ANKFY1: variants seen among roughly 807,000 people sequenced by gnomAD.
The protein encoded by ANKFY1 is ankyrin repeat and FYVE domain-containing protein 1.
Under a neutral mutation model 128.3 loss-of-function variants are expected in ANKFY1, and 47 were observed. The ratio of observed to expected loss-of-function variants is 0.37; its 90% CI spans 0.29 to 0.47. ANKFY1 has a LOEUF of 0.47. Among genes scored for constraint, ANKFY1 ranks in the 20% least tolerant of loss-of-function variants. The pLI is 1.00. For missense variants in ANKFY1, 1,222 were observed against 1,510.6 expected, an observed-to-expected ratio of 0.81 and a Z score of 3.17; for synonymous variants, 553 against 601.6, an observed-to-expected ratio of 0.92 and a Z score of 1.18.
At chr17:4,187,147 G>A (rs947304992) in intron 11 of ANKFY1, 28 of 596,940 alleles carry the variant, frequency 4.7e-5, no homozygotes, top group Non-Finnish European at 6.4e-5. Flanking sequence ...ATCCCCCACC[G>A]CCCTCCCAAG....
chr17:4,231,691 C>A (rs887068340), intron 3 of ANKFY1, among the ~76,000 whole-genome samples: 9 of 151,488 alleles, frequency 5.9e-5, no homozygotes, highest in Non-Finnish European at 1.3e-4. Flanking sequence ...CCTGTAATCC[C>A]AACAGGCCTT....
intron 3 of ANKFY1, among the ~76,000 whole-genome samples, chr17:4,228,264 TC>T (rs1365537303): frequency 6.6e-6 from 1 of 152,154 alleles, no homozygotes; most frequent in Non-Finnish European, 1.5e-5. Context: ...GACTCTATGC[TC>T]TATGATTGCA....
intron 7 of ANKFY1, among the ~76,000 whole-genome samples, chr17:4,199,689 T>G (rs116973362): frequency 5.3e-5 from 8 of 152,348 alleles, no homozygotes; most frequent in Non-Finnish European, 1.2e-4. Flanking sequence ...AATACATGGT[T>G]AAACTCGGAA....
In ANKFY1 at chr17:4,177,239, G is replaced by A; in HGVS notation, c.2662C>T (p.Leu888=). 6.2e-7 allele frequency: 1 copy of A among 1,606,290 alleles called. No homozygotes were observed. Among genetic ancestry groups the A allele is most frequent in the Non-Finnish European group, 8.5e-7 (1 of 1,176,256 alleles). Reference sequence around the variant, plus strand: ...TTAGCGTGGACACTGATCAGGAACAGCACACTTTCAATATCAGAGTTCTGA... The same window carrying A: ...TTAGCGTGGACACTGATCAGGAACAACACACTTTCAATATCAGAGTTCTGA... ...AVQNSDIESV[L]FLISVHANVN... Residue 888 remains leucine (L), a synonymous_variant, in exon 19 of 25, where the codon CTG becomes TTG. Transcript: ENST00000341657.
At chr17:4,238,630 C>T (rs1269698485) in intron 2 of ANKFY1, among the ~76,000 whole-genome samples, 1 of 152,116 alleles carries the variant, frequency 6.6e-6, no homozygotes, top group South Asian at 2.1e-4. Flanking sequence ...CGCGCCACCA[C>T]GCTCCGCCTA....
intron 22 of ANKFY1, among the ~76,000 whole-genome samples, chr17:4,172,151 T>C (rs2059332827): frequency 6.6e-6 from 1 of 152,158 alleles, no homozygotes; most frequent in African/African-American, 2.4e-5. Context: ...TCTGGGTAGT[T>C]TGCCACTTTC....
chr17:4,170,731 G>A lies in ANKFY1; in HGVS notation c.3270C>T (p.Leu1090=), dbSNP rs1258884236. 3.7e-6 allele frequency: 6 copies of A among 1,612,182 alleles called. No individual in the cohort carries two copies. In the African/African-American group the frequency reaches 4.0e-5, roughly 11 times the overall value. ...GCCACTCACCCAGCAGTCGGAACAG[G>A]AGCTGCTTGGTGGCGACCTGGTAGT... The part of the protein sequence containing the change: ...IFNYQVATKQ[L]LFRLLDMLSK... The change falls in exon 23 of 25, where the codon CTC becomes CTT. Residue 1090 remains leucine, a synonymous_variant. Transcript: ENST00000341657.
At chr17:4,250,581 T>C (rs957487748) in intron 1 of ANKFY1, among the ~76,000 whole-genome samples, 1 of 152,202 alleles carries the variant, frequency 6.6e-6, no homozygotes, top group Non-Finnish European at 1.5e-5. Context: ...TGTTAAGATG[T>C]CAGGTCTCTC....
At chr17:4,241,889 A>T (rs1312289026) in intron 2 of ANKFY1, among the ~76,000 whole-genome samples, 2 of 151,698 alleles carry the variant, frequency 1.3e-5, no homozygotes, top group Non-Finnish European at 2.9e-5. Context: ...GGAGACCAAG[A>T]CCATCCTGGC....
At chr17:4,177,941 GCAGCGAGGGCGACCC>G (rs2059437960) in intron 18 of ANKFY1, 1 of 152,408 alleles carries the variant, frequency 6.6e-6, no homozygotes, top group African/African-American at 2.4e-5. Context: ...TGTGGAGGCG[GCAGCGAGGGCGACCC>G]CAGTGCCACA....
chr17:4,235,653 C>A, intron 3 of ANKFY1, 119 bp downstream of exon 3: 1 of 735,392 alleles, frequency 1.4e-6, no homozygotes, highest in Non-Finnish European at 2.4e-6. Context: ...TGGTTGCCAT[C>A]AATTGCTTAA....
intron 5 of ANKFY1, among the ~76,000 whole-genome samples, chr17:4,208,659 G>C (rs1019255522): frequency 8.5e-5 from 13 of 152,146 alleles, no homozygotes; most frequent in African/African-American, 2.7e-4. Flanking sequence ...AAACTCTAAG[G>C]CTTTTCCCAC....
At chr17:4,256,568 A>T (rs982423622) in intron 1 of ANKFY1, among the ~76,000 whole-genome samples, 69 of 152,160 alleles carry the variant, frequency 4.5e-4, no homozygotes, top group Non-Finnish European at 6.5e-4. Context: ...ACTGATGCAG[A>T]TCTTGGGGGG....
chr17:4,194,940 G>A, intron 10 of ANKFY1, 38 bp downstream of exon 10: 2 of 1,610,610 alleles, frequency 1.2e-6, no homozygotes, highest in Non-Finnish European at 1.7e-6. Flanking sequence ...GGCGCCTGCA[G>A]ACCCCAGCGT....
intron 3 of ANKFY1, chr17:4,222,672 C>A: frequency 1.2e-6 from 1 of 866,004 alleles, no homozygotes; most frequent in Non-Finnish European, 2.0e-6. Context: ...CCAAAAATGG[C>A]CCTGACACGC....
rs1165024799 is a variant in ANKFY1 at position 4,169,753 on chromosome 17, AG to A, written c.3287-466del. ...ACGGGTGATTTCCAGGCTTCCGGAGAGTGCCTGGGTCTGCAGTGGGACCATG... is the reference window on the plus strand; with the variant it reads ...ACGGGTGATTTCCAGGCTTCCGGAGATGCCTGGGTCTGCAGTGGGACCATG... On this transcript the variant is annotated intron_variant, in intron 23 of 24. Transcript: ENST00000341657. This position sits in a 1 kb window ranked among gnomAD's most constrained non-coding sequence, Gnocchi z 5.0. 6.6e-6 allele frequency among the ~76,000 whole-genome samples: 1 copy of A among 152,140 alleles called. No homozygotes were observed. The highest frequency in any genetic ancestry group is 1.5e-5 in the Non-Finnish European group (1 of 68,016).
chr17:4,189,592 T>C, intron 10 of ANKFY1, 113 bp from the exon 11 acceptor site: 3 of 923,656 alleles, frequency 3.2e-6, no homozygotes, highest in Non-Finnish European at 4.9e-6. Flanking sequence ...CGCCAGACAG[T>C]AGGCCCACAC....
intron 7 of ANKFY1, among the ~76,000 whole-genome samples, chr17:4,204,964 C>A (rs2059995104): frequency 6.6e-6 from 1 of 152,180 alleles, no homozygotes; most frequent in South Asian, 2.1e-4. Flanking sequence ...AGCACTCCAG[C>A]ACATGGCTTA....
intron 2 of ANKFY1, among the ~76,000 whole-genome samples, chr17:4,240,152 C>T (rs1201567498): frequency 2.0e-5 from 3 of 151,456 alleles, no homozygotes; most frequent in Middle Eastern, 6.8e-3. Flanking sequence ...GCAACCTCCG[C>T]CTATCGAGTT....
Sources: gnomAD v4.1 joint callset for allele counts (sites outside exome capture counted in the v4.1 genomes callset) on GRCh38, gnomAD v4.1.1 for gene constraint, Gnocchi (gnomAD v3.1) non-coding constraint, MANE v1.5 for transcripts, NCBI Gene and HGNC (gene_info 2026-07-23, HGNC 2026-07-21) for gene names.